FREM2: variants seen among roughly 807,000 people sequenced by gnomAD.
The protein encoded by FREM2 is FRAS1 related extracellular matrix 2.
A neutral mutation model predicts 219.9 loss-of-function variants in FREM2; 119 were observed. The observed-to-expected ratio is 0.54, with a 90% confidence interval of 0.47 to 0.63. The LOEUF is 0.63. Ranked by LOEUF, FREM2 falls within the 30% of genes least tolerant of loss-of-function variation. The pLI, the probability that FREM2 is intolerant of heterozygous loss-of-function variation, is 0.00. For synonymous variants in FREM2, 1,562 were observed against 1,522.8 expected, an observed-to-expected ratio of 1.03 and a Z score of -0.60; for missense variants, 4,030 against 3,993.6, an observed-to-expected ratio of 1.01 and a Z score of -0.25.
Position 38,859,391 on chromosome 13 carries a change from T to A in FREM2, c.7320T>A (p.Pro2440=). The A allele has an allele frequency of 1.2e-6, 2 of 1,614,204 alleles. No individual in the cohort carries two copies. Among genetic ancestry groups the A allele is most frequent in the Non-Finnish European group, 1.7e-6 (2 of 1,180,026 alleles). Residue 2440 remains proline, a synonymous_variant, in exon 14 of 24, where the codon CCT becomes CCA. Transcript: ENST00000280481. ...LTRYRWLISA[P]AGPDGVTSPM... ...GGTACCGGTGGCTGATTAGTGCACC[T>A]GCGGGCCCTGACGGTGTGACCAGCC...
Position 38,877,103 on chromosome 13 carries a change from AC to A in FREM2, c.8545-12del, listed in dbSNP as rs776760194. On this transcript the variant is annotated splice_polypyrimidine_tract_variant and intron_variant, in intron 20 of 23. Transcript: ENST00000280481. ...ACCACTGATGCATAAAAGAACTTTT[AC>A]CTTTGGTTTTAGGTCAGTGATCCAG... 4.3e-6 allele frequency: 7 copies of A among 1,613,916 alleles called. No individual in the cohort carries two copies. The highest frequency in any genetic ancestry group is 3.4e-6 in the Non-Finnish European group (4 of 1,179,918).
At chr13:38,753,225 G>T (rs1233547654) in intron 2 of FREM2, among the ~76,000 whole-genome samples, 2 of 151,776 alleles carry the variant, frequency 1.3e-5, no homozygotes, top group South Asian at 2.1e-4. Flanking sequence ...TTATATCTGG[G>T]CTGCTTTAAA....
intron 1 of FREM2, among the ~76,000 whole-genome samples, chr13:38,693,315 A>G (rs1869973321): frequency 6.6e-6 from 1 of 152,244 alleles, no homozygotes. Context: ...GGGGGAAATT[A>G]TTTCATCATT....
In FREM2 at chr13:38,688,911, GA is replaced by G; in HGVS notation, c.1568del (p.Asp523AlafsTer6). 6.2e-7 allele frequency: 1 copy of G among 1,612,920 alleles called. No individual in the cohort carries two copies. The highest frequency in any genetic ancestry group is 8.5e-7 in the Non-Finnish European group (1 of 1,179,400). On this transcript the variant is annotated frameshift_variant, in exon 1 of 24. Coordinates refer to ENST00000280481, the MANE Select transcript of FREM2 (RefSeq NM_207361.6). LOFTEE classifies it high-confidence loss of function. The stretch of plus-strand genomic sequence containing the variant: ...CGGCCAGGTGGTCTACCAGCATGAT[GA>G]CAGAGACGGCTCGCTGAGCGACAAC... Reference protein sequence around the residue: ...AAGQVVYQHDDRDGSLSDNLV... With the variant: ...AAGQVVYQHDXRDGSLSDNLV...
chr13:38,801,715 G>T (rs1200441382), intron 6 of FREM2, among the ~76,000 whole-genome samples: 1 of 152,168 alleles, frequency 6.6e-6, no homozygotes, highest in Non-Finnish European at 1.5e-5. Flanking sequence ...TTGAGCCCCA[G>T]TGGTGGCAGT....
chr13:38,689,937 T>G lies in FREM2; in HGVS notation c.2593T>G (p.Ser865Ala), dbSNP rs998092516. The stretch of plus-strand genomic sequence containing the variant: ...TGTAGACACTGATGTTGCCCATATC[T>G]CTTTCACTCTCACTCAGGCACCCAA... The part of the protein sequence containing the change: ...NDVDTDVAHI[S>A]FTLTQAPKHG... The change falls in exon 1 of 24, where the codon TCT (serine) becomes GCT (alanine). Residue 865 changes from serine to alanine, a missense_variant. By Grantham distance (99) the Ser-to-Ala change is moderately conservative. Transcript: ENST00000280481. 1.2e-6 allele frequency: 2 copies of G among 1,614,060 alleles called. No homozygotes were observed. Among genetic ancestry groups the G allele is most frequent in the Non-Finnish European group, 1.7e-6 (2 of 1,180,046 alleles).
intron 6 of FREM2, among the ~76,000 whole-genome samples, chr13:38,788,545 T>C (rs1874424496): frequency 1.3e-5 from 2 of 152,168 alleles, no homozygotes; most frequent in Non-Finnish European, 2.9e-5. Flanking sequence ...ATATCAAATG[T>C]CAACACTTTA....
chr13:38,767,693 T>A (rs575876019), intron 3 of FREM2, among the ~76,000 whole-genome samples: 1 of 152,258 alleles, frequency 6.6e-6, no homozygotes, highest in South Asian at 2.1e-4. Context: ...TTGTAGTGGA[T>A]CCAAGAGGTG....
intron 6 of FREM2, among the ~76,000 whole-genome samples, chr13:38,795,102 G>A (rs935387892): frequency 6.6e-6 from 1 of 151,796 alleles, no homozygotes; most frequent in Non-Finnish European, 1.5e-5. Context: ...CTCCTCAAAA[G>A]GATTAAAATA....
At chr13:38,760,132 A>G (rs1229966509) in intron 2 of FREM2, among the ~76,000 whole-genome samples, 1 of 152,224 alleles carries the variant, frequency 6.6e-6, no homozygotes, top group East Asian at 1.9e-4. Context: ...CATATTTTCT[A>G]GTTAAGTATC....
chr13:38,878,701 AT>A, intron 22 of FREM2, 129 bp from the exon 23 acceptor site: 1 of 983,208 alleles, frequency 1.0e-6, no homozygotes. Context: ...CAAAATGATC[AT>A]TTTTAGTAAA....
At chr13:38,715,905 G>A (rs977543118) in intron 2 of FREM2, among the ~76,000 whole-genome samples, 4 of 152,000 alleles carry the variant, frequency 2.6e-5, no homozygotes, top group East Asian at 3.9e-4. Context: ...TAATATAAAT[G>A]AAAATTTGTC....
chr13:38,807,580 G>A (rs957172294), intron 6 of FREM2, among the ~76,000 whole-genome samples: 3 of 151,664 alleles, frequency 2.0e-5, no homozygotes, highest in Non-Finnish European at 4.4e-5. Context: ...TGTTATATTA[G>A]CATATTTAAA....
rs1159417772 is a variant in FREM2 at position 38,884,839 on chromosome 13, A to G, written c.*4052A>G. On this transcript the variant is annotated 3_prime_UTR_variant, in exon 24 of 24. Coordinates refer to ENST00000280481, the MANE Select transcript of FREM2 (RefSeq NM_207361.6). The stretch of plus-strand genomic sequence containing the variant: ...CTAGGAAAGAGATAACACTAAAGGC[A>G]TCATAGGTTTAACTGAAATACGTTA... 1 of 152,194 alleles carries G rather than the reference A, an allele frequency of 6.6e-6. No individual in the cohort carries two copies. The highest frequency in any genetic ancestry group is 2.4e-5 in the African/African-American group (1 of 41,452). The allele number at this position is 152,194 out of a possible 1,614,324, so 9.4% of individuals were successfully genotyped here. A position where few individuals can be genotyped will look rare whatever the true frequency, so the allele number is the denominator to read the frequency against.
At position 38,784,616 on chromosome 13, in the gene FREM2, C is replaced by G. The variant is rs748389934; in HGVS notation, c.5827C>G (p.Pro1943Ala). The G allele has an allele frequency of 6.2e-7, 1 of 1,614,084 alleles. No individual in the cohort carries two copies. The highest frequency in any genetic ancestry group is 1.1e-5 in the South Asian group (1 of 91,082). The change falls in exon 6 of 24, where the codon CCT (proline) becomes GCT (alanine). Residue 1943 changes from proline to alanine, a missense_variant. By Grantham distance (27) the Pro-to-Ala change is conservative (BLOSUM62 -1). Around this residue, in one of 2 missense-constraint regions of FREM2, gnomAD observed 3,102 missense variants for 2,950.7 expected, o/e 1.05. Transcript: ENST00000280481. The stretch of plus-strand genomic sequence containing the variant: ...GTCTTACTCTGATTACATATCCAGG[C>G]CTGAGGACCACACCAGTGTTGTCCG... ...VLSYSDYISR[P>A]EDHTSVVRFD...
At chr13:38,852,017 G>T (rs1472489020) in intron 11 of FREM2, 149 bp downstream of exon 11, 12 of 716,764 alleles carry the variant, frequency 1.7e-5, no homozygotes, top group Non-Finnish European at 2.5e-6. Flanking sequence ...GGGTACAAGT[G>T]CAATTTTGTT....
chr13:38,875,325 T>C (rs1184725518), intron 18 of FREM2, among the ~76,000 whole-genome samples: 1 of 152,182 alleles, frequency 6.6e-6, no homozygotes, highest in East Asian at 1.9e-4. Context: ...TTATAGCTTT[T>C]CTTTTTCTGG....
chr13:38,872,110 A>G (rs371705599), intron 16 of FREM2, among the ~76,000 whole-genome samples: 3 of 152,194 alleles, frequency 2.0e-5, no homozygotes, highest in African/African-American at 7.2e-5. Context: ...ATGGGCTGCA[A>G]TTCATTAACA....
intron 6 of FREM2, among the ~76,000 whole-genome samples, chr13:38,794,371 C>T (rs1480792485): frequency 6.6e-6 from 1 of 152,190 alleles, no homozygotes; most frequent in Admixed American, 6.5e-5. Flanking sequence ...ATGCCTAACT[C>T]TGCACTATTC....
Sources: allele counts gnomAD v4.1 joint callset (sites outside exome capture counted in the v4.1 genomes callset), GRCh38; gene constraint gnomAD v4.1.1; regional missense constraint gnomAD v4.1.1; transcripts MANE v1.5; gene names NCBI Gene and HGNC (gene_info 2026-07-23, HGNC 2026-07-21).